Variants in PRR16 observed in about 807,000 individuals in gnomAD.
PRR16 encodes proline rich 16.
A neutral mutation model predicts 18.2 loss-of-function variants in PRR16; 6 were observed. That is an observed-to-expected ratio of 0.33 (90% CI 0.18 to 0.65). The LOEUF is 0.65. PRR16 is among the 30% of genes least tolerant of loss of function. The pLI is 0.74. For missense variants in PRR16, 412 were observed against 376.6 expected, an observed-to-expected ratio of 1.09 and a Z score of -0.78; for synonymous variants, 151 against 147.8, an observed-to-expected ratio of 1.02 and a Z score of -0.16.
At chr5:120,718,599 T>C in the PRR16 span, among the ~76,000 whole-genome samples, 1 of 152,092 alleles carries the variant, frequency 6.6e-6, no homozygotes, top group Non-Finnish European at 1.5e-5. Flanking sequence ...ACATTGTGTC[T>C]ACCACCTATA....
the PRR16 span, among the ~76,000 whole-genome samples, chr5:120,727,392 C>G: frequency 6.6e-6 from 1 of 152,202 alleles, no homozygotes; most frequent in African/African-American, 2.4e-5. Context: ...CCTGCCTAAT[C>G]TGTATGTTCA....
chr5:120,501,139 T>C (rs1750438501), intron 1 of PRR16, among the ~76,000 whole-genome samples: 1 of 152,170 alleles, frequency 6.6e-6, no homozygotes. Flanking sequence ...TGCAGGAATA[T>C]ATAAAGCAAA....
the PRR16 span, among the ~76,000 whole-genome samples, chr5:120,693,729 G>A: frequency 2.0e-5 from 3 of 152,020 alleles, no homozygotes; most frequent in Non-Finnish European, 4.4e-5. Context: ...AAGCTCTTCT[G>A]CTAACACAGA....
chr5:120,792,288 G>A, the PRR16 span, among the ~76,000 whole-genome samples: 1 of 152,178 alleles, frequency 6.6e-6, no homozygotes, highest in African/African-American at 2.4e-5. Context: ...TCCAGTAGTA[G>A]TTTATAAAGT....
intron 1 of PRR16, among the ~76,000 whole-genome samples, chr5:120,660,051 G>T (rs909523874): frequency 6.6e-6 from 1 of 152,026 alleles, no homozygotes; most frequent in African/African-American, 2.4e-5. Context: ...TCCAGATTGA[G>T]TGTGGAGTGT....
intron 1 of PRR16, among the ~76,000 whole-genome samples, chr5:120,471,953 G>C (rs918665351): frequency 1.3e-5 from 2 of 152,146 alleles, no homozygotes; most frequent in African/African-American, 2.4e-5. Context: ...AGAATGGAAA[G>C]ACATGAGGAT....
intron 1 of PRR16, among the ~76,000 whole-genome samples, chr5:120,655,456 C>G (rs1326329781): frequency 6.7e-6 from 1 of 149,536 alleles, no homozygotes; most frequent in Non-Finnish European, 1.5e-5. Context: ...AGAGATGGAC[C>G]TATTATTATA....
chr5:120,507,002 A>G (rs1016529400), intron 1 of PRR16, among the ~76,000 whole-genome samples: 2 of 152,214 alleles, frequency 1.3e-5, no homozygotes, highest in African/African-American at 4.8e-5. Flanking sequence ...TGGGAAGTAA[A>G]TTTAATGTCT....
intron 1 of PRR16, among the ~76,000 whole-genome samples, chr5:120,560,096 T>A (rs1752530269): frequency 6.6e-6 from 1 of 151,902 alleles, no homozygotes; most frequent in Non-Finnish European, 1.5e-5. Flanking sequence ...GATAATTTGG[T>A]ATCTTTCATT....
chr5:120,679,873 A>C (rs775531497), intron 1 of PRR16, among the ~76,000 whole-genome samples: 1 of 152,170 alleles, frequency 6.6e-6, no homozygotes, highest in Non-Finnish European at 1.5e-5. Context: ...AATGTAGGTC[A>C]AAGGATACGA....
At chr5:120,774,972 A>G in the PRR16 span, among the ~76,000 whole-genome samples, 3 of 152,160 alleles carry the variant, frequency 2.0e-5, no homozygotes, top group African/African-American at 4.8e-5. Flanking sequence ...ATCACACATT[A>G]TCTTCCTTCC....
intron 1 of PRR16, among the ~76,000 whole-genome samples, chr5:120,560,496 A>C (rs1752542185): frequency 6.6e-6 from 1 of 152,096 alleles, no homozygotes. Context: ...ACACTTGGTC[A>C]TGATAATTGA....
the PRR16 span, among the ~76,000 whole-genome samples, chr5:120,735,862 C>G: frequency 1.3e-5 from 2 of 151,974 alleles, no homozygotes; most frequent in Non-Finnish European, 2.9e-5. Flanking sequence ...CTTTCATTGC[C>G]TGTGTTTTTG....
the PRR16 span, among the ~76,000 whole-genome samples, chr5:120,727,105 C>A: frequency 6.6e-6 from 1 of 151,940 alleles, no homozygotes; most frequent in Non-Finnish European, 1.5e-5. Context: ...CTTTCTGTCC[C>A]GAAATTTTCT....
At chr5:120,489,825 G>C (rs1303647003) in intron 1 of PRR16, among the ~76,000 whole-genome samples, 1 of 152,088 alleles carries the variant, frequency 6.6e-6, no homozygotes, top group Non-Finnish European at 1.5e-5. Flanking sequence ...GCTTCTTCAG[G>C]AGCTCTTTTA....
chr5:120,743,132 C>T, the PRR16 span, among the ~76,000 whole-genome samples: 17 of 152,266 alleles, frequency 1.1e-4, no homozygotes, highest in Admixed American at 1.0e-3. Flanking sequence ...TCTTTGGTGT[C>T]ATTATTCCAA....
chr5:120,480,574 C>G (rs1416232646), intron 1 of PRR16, among the ~76,000 whole-genome samples: 3 of 152,076 alleles, frequency 2.0e-5, no homozygotes, highest in Non-Finnish European at 4.4e-5. Context: ...AACTCCTGTA[C>G]TATACAGATT....
At chr5:120,788,459 T>C in the PRR16 span, among the ~76,000 whole-genome samples, 1 of 152,118 alleles carries the variant, frequency 6.6e-6, no homozygotes, top group African/African-American at 2.4e-5. Context: ...GTGTTTTTCA[T>C]ACTATTTAAG....
At chr5:120,654,276 G>C (rs773457692) in intron 1 of PRR16, among the ~76,000 whole-genome samples, 3 of 151,944 alleles carry the variant, frequency 2.0e-5, no homozygotes, top group Non-Finnish European at 4.4e-5. Context: ...GAGAATAAGA[G>C]ACTTCTAACT....
Sources: gnomAD v4.1 joint callset for allele counts (sites outside exome capture counted in the v4.1 genomes callset) on GRCh38, gnomAD v4.1.1 for gene constraint, MANE v1.5 for transcripts, NCBI Gene and HGNC (gene_info 2026-07-23, HGNC 2026-07-21) for gene names.